AMZ1: variants seen among roughly 807,000 people sequenced by gnomAD.
AMZ1 encodes the protein archaelysin family metallopeptidase 1, also known as archaemetzincin-1.
A neutral mutation model predicts 29.9 loss-of-function variants in AMZ1; 39 were observed. That is an observed-to-expected ratio of 1.30 (90% confidence interval 1.01 to 1.70). AMZ1 has a LOEUF of 1.70. Among genes scored for constraint, AMZ1 ranks in the 40% most tolerant of loss-of-function variants. The pLI is 0.00. For missense variants in AMZ1, 1,041 were observed against 680.6 expected (o/e 1.53, Z -5.89); for synonymous variants, 458 against 304.0 (o/e 1.51, Z -5.27).
intron 4 of AMZ1, among the ~76,000 whole-genome samples, chr7:2,740,233 G>C (rs1004635829): frequency 2.6e-5 from 4 of 152,092 alleles, no homozygotes; most frequent in African/African-American, 9.7e-5. Context: ...CATCATTATA[G>C]ACTGCATGTT....
chr7:2,744,353 T>A (rs1008520961), intron 4 of AMZ1, among the ~76,000 whole-genome samples: 3 of 152,320 alleles, frequency 2.0e-5, no homozygotes, highest in East Asian at 3.9e-4. Flanking sequence ...GCAGCATTTG[T>A]GGGTCACCAA....
Position 2,717,778 on chromosome 7 carries a change from CG to C in AMZ1, c.*4902del, listed in dbSNP as rs1424942589. 3.9e-5 allele frequency among the ~76,000 whole-genome samples: 6 copies of C among 152,164 alleles called. No individual in the cohort carries two copies. The highest frequency in any genetic ancestry group is 1.4e-4 in the African/African-American group (6 of 41,418). On this transcript the variant is annotated 3_prime_UTR_variant, in exon 7 of 7. Coordinates refer to ENST00000683327, the MANE Select transcript of AMZ1 (RefSeq NM_001384743.1). ...AGCAGCACCTTGATGAATGAGAACC[CG>C]GAAGAATGGAGGTTTATTTTTGAAC...
intron 4 of AMZ1, among the ~76,000 whole-genome samples, chr7:2,740,159 G>C (rs1388616496): frequency 1.3e-5 from 2 of 152,104 alleles, no homozygotes; most frequent in Admixed American, 6.5e-5. Flanking sequence ...TGGCACTCCA[G>C]TGTGATCTTT....
chr7:2,738,868 G>C (rs1469775542), intron 4 of AMZ1, among the ~76,000 whole-genome samples: 1 of 152,204 alleles, frequency 6.6e-6, no homozygotes, highest in Non-Finnish European at 1.5e-5. Context: ...GAATGTGAAA[G>C]TACAGAGGAG....
At chr7:2,732,344 C>G (rs1238507616) in intron 4 of AMZ1, among the ~76,000 whole-genome samples, 1 of 152,108 alleles carries the variant, frequency 6.6e-6, no homozygotes, top group Non-Finnish European at 1.5e-5. Flanking sequence ...CCCAGAAGTT[C>G]AAGAACAGCC....
intron 4 of AMZ1, among the ~76,000 whole-genome samples, chr7:2,750,754 C>T (rs915330493): frequency 2.6e-5 from 4 of 152,168 alleles, no homozygotes; most frequent in South Asian, 4.1e-4. Flanking sequence ...GCAAGGGGGA[C>T]TATCGGACAG....
chr7:2,709,618 T>C (rs1224801914), intron 5 of AMZ1, 22 bp from the exon 6 acceptor site: 1 of 1,602,628 alleles, frequency 6.2e-7, no homozygotes. Context: ...TGAGGCAAGG[T>C]GCTTGGTGGC....
chr7:2,689,041 C>A (rs2115040997), intron 1 of AMZ1, among the ~76,000 whole-genome samples: 1 of 152,306 alleles, frequency 6.6e-6, no homozygotes, highest in Non-Finnish European at 1.5e-5. Context: ...AGGCCACTAC[C>A]CCTGCGGTCT....
At chr7:2,749,940 T>A (rs762319093) in intron 4 of AMZ1, among the ~76,000 whole-genome samples, 11 of 152,144 alleles carry the variant, frequency 7.2e-5, no homozygotes, top group Non-Finnish European at 1.3e-4. Flanking sequence ...ACACAAGTAG[T>A]TGGAATCTCA....
At chr7:2,754,079 T>A (rs1791174230) in intron 4 of AMZ1, among the ~76,000 whole-genome samples, 1 of 152,178 alleles carries the variant, frequency 6.6e-6, no homozygotes, top group African/African-American at 2.4e-5. Flanking sequence ...CCCTTTTACC[T>A]CCCCACCAGT....
upstream of AMZ1, among the ~76,000 whole-genome samples, chr7:2,687,253 G>A (rs1445629342): frequency 2.0e-5 from 3 of 152,162 alleles, no homozygotes; most frequent in East Asian, 3.9e-4. Flanking sequence ...CTTGAACCCC[G>A]GAGGTGGAGG....
chr7:2,731,703 G>C lies in AMZ1; in HGVS notation n.550+21887G>C, dbSNP rs952696779. Reference sequence around the variant, plus strand: ...CGAAGTCATGCTCCACAATTCCCTTGGTGGCTTTCCTAGCCAGCAGGATAT... The same window carrying C: ...CGAAGTCATGCTCCACAATTCCCTTCGTGGCTTTCCTAGCCAGCAGGATAT... On this transcript the variant is annotated intron_variant and non_coding_transcript_variant, in intron 4 of 4. Transcript: ENST00000489665. This position sits in a 1 kb window ranked among gnomAD's most constrained non-coding sequence, Gnocchi z 6.0. The C allele has an allele frequency of 2.5e-6, 4 of 1,587,420 alleles. No individual in the cohort carries two copies. The highest frequency in any genetic ancestry group is 3.5e-5 in the Admixed American group (2 of 57,264).
rs771663550 is a variant in AMZ1 at position 2,709,631 on chromosome 7, T to TC, written c.772-3dup. The TC allele has an allele frequency of 3.5e-5, 56 of 1,604,526 alleles. No homozygotes were observed. Among genetic ancestry groups the TC allele is most frequent in the Non-Finnish European group, 4.5e-5 (53 of 1,176,206 alleles). On this transcript the variant is annotated splice_polypyrimidine_tract_variant and intron_variant, in intron 5 of 6. Coordinates refer to ENST00000683327, the MANE Select transcript of AMZ1 (RefSeq NM_001384743.1). The stretch of plus-strand genomic sequence containing the variant: ...AGTGAGGCAAGGTGCTTGGTGGCCT[T>TC]CCCCCCAGGTCACGTGCCACGAGCT...
At chr7:2,702,382 G>A (rs771435340) in intron 2 of AMZ1, 10 of 269,808 alleles carry the variant, frequency 3.7e-5, no homozygotes, top group Non-Finnish European at 5.6e-5. Flanking sequence ...GAGGTGGCTC[G>A]GCTCTGTGTG....
At chr7:2,729,409 G>A (rs1271114188) in intron 4 of AMZ1, 2 of 152,424 alleles carry the variant, frequency 1.3e-5, no homozygotes, top group East Asian at 1.9e-4. Flanking sequence ...AAGAGCCACA[G>A]AAGCAGTACA....
upstream of AMZ1, among the ~76,000 whole-genome samples, chr7:2,760,922 C>G (rs1791524026): frequency 6.6e-6 from 1 of 152,210 alleles, no homozygotes; most frequent in African/African-American, 2.4e-5. Context: ...GGGGTTCTGG[C>G]TGGCACCTTC....
At chr7:2,742,687 A>G (rs546396406) in intron 4 of AMZ1, among the ~76,000 whole-genome samples, 3 of 152,318 alleles carry the variant, frequency 2.0e-5, no homozygotes, top group African/African-American at 7.2e-5. Flanking sequence ...TTTGATTTTG[A>G]ATGAGGCCTT....
intron 1 of AMZ1, among the ~76,000 whole-genome samples, chr7:2,692,146 C>T (rs1481058913): frequency 1.3e-5 from 2 of 152,156 alleles, no homozygotes; most frequent in Non-Finnish European, 2.9e-5. Context: ...GCTCCGAGGC[C>T]GGCTAAGTGC....
Position 2,718,546 on chromosome 7 carries a change from C to T in AMZ1, c.*5668C>T, listed in dbSNP as rs1381908141. On this transcript the variant is annotated 3_prime_UTR_variant, in exon 7 of 7. Transcript: ENST00000683327. ...GCCGCGGGCGCCCACTCACCTGGCA[C>T]GTGGACGAAGGTGATGAGCGCGGCT... Among the ~76,000 whole-genome samples, 1 of 152,212 alleles carries T rather than the reference C, an allele frequency of 6.6e-6. No homozygotes were observed. The highest frequency in any genetic ancestry group is 6.5e-5 in the Admixed American group (1 of 15,282).
Sources: gnomAD v4.1 joint callset for allele counts (sites outside exome capture counted in the v4.1 genomes callset) on GRCh38, gnomAD v4.1.1 for gene constraint, Gnocchi (gnomAD v3.1) non-coding constraint, MANE v1.5 for transcripts, NCBI Gene and HGNC (gene_info 2026-07-23, HGNC 2026-07-21) for gene names.